The following TTC27 variants were observed in gnomAD, a reference collection of about 807,000 sequenced individuals.
The protein encoded by TTC27 is tetratricopeptide repeat domain 27.
A neutral mutation model predicts 115.9 loss-of-function variants in TTC27; 79 were observed. The ratio of observed to expected loss-of-function variants is 0.68; its 90% CI spans 0.57 to 0.82. The LOEUF is 0.82. Ranked by LOEUF, TTC27 falls within the 40% of genes least tolerant of loss-of-function variation. The probability of loss-of-function intolerance (pLI) is 0.00; values close to 1 mark genes in which losing one functional copy is unlikely to be tolerated. For missense variants in TTC27, 1,054 were observed against 993.1 expected (o/e 1.06, Z -0.82); for synonymous variants, 401 against 356.0 (o/e 1.13, Z -1.42).
intron 9 of TTC27, among the ~76,000 whole-genome samples, chr2:32,684,169 A>C (rs553434114): frequency 2.0e-5 from 3 of 152,004 alleles, no homozygotes; most frequent in African/African-American, 7.3e-5. Context: ...GGGGGAAAAA[A>C]GTTTGTTTGG....
At chr2:32,640,886 G>T (rs757747810) in intron 4 of TTC27, among the ~76,000 whole-genome samples, 3 of 152,112 alleles carry the variant, frequency 2.0e-5, no homozygotes, top group Non-Finnish European at 4.4e-5. Flanking sequence ...GGAGGCTGAG[G>T]CAGGAGAATT....
At chr2:32,800,411 G>A (rs1217913493) in intron 16 of TTC27, among the ~76,000 whole-genome samples, 1 of 152,144 alleles carries the variant, frequency 6.6e-6, no homozygotes, top group Non-Finnish European at 1.5e-5. Flanking sequence ...TCAAACTCCT[G>A]ACCCCATGAT....
intron 14 of TTC27, among the ~76,000 whole-genome samples, chr2:32,778,880 A>G (rs1010981328): frequency 6.6e-6 from 1 of 152,176 alleles, no homozygotes; most frequent in African/African-American, 2.4e-5. Context: ...GCTGGATCGT[A>G]TGGTAGCTCT....
chr2:32,673,056 C>T (rs966810377), intron 8 of TTC27, among the ~76,000 whole-genome samples: 15 of 152,214 alleles, frequency 9.9e-5, no homozygotes, highest in African/African-American at 2.9e-4. Context: ...ATATGTATTA[C>T]ATTTAGTTTT....
intron 2 of TTC27, among the ~76,000 whole-genome samples, chr2:32,631,386 G>GT (rs1331548252): frequency 6.6e-6 from 1 of 152,108 alleles, no homozygotes; most frequent in Non-Finnish European, 1.5e-5. Flanking sequence ...TATTTATTAT[G>GT]TTTTAGATTA....
intron 16 of TTC27, among the ~76,000 whole-genome samples, chr2:32,806,259 G>A (rs545007162): frequency 6.6e-6 from 1 of 152,146 alleles, no homozygotes; most frequent in South Asian, 2.1e-4. Flanking sequence ...GAGGCAAAGG[G>A]GTATAGTGCT....
intron 4 of TTC27, among the ~76,000 whole-genome samples, chr2:32,641,081 C>G (rs1664629300): frequency 6.6e-6 from 1 of 152,122 alleles, no homozygotes; most frequent in African/African-American, 2.4e-5. Context: ...TGAGCAGTGA[C>G]CAAAATTTAA....
At chr2:32,800,063 C>T (rs1199731081) in intron 16 of TTC27, among the ~76,000 whole-genome samples, 3 of 152,086 alleles carry the variant, frequency 2.0e-5, no homozygotes, top group African/African-American at 7.2e-5. Context: ...GGGATGATAG[C>T]GATACCTGCC....
intron 10 of TTC27, among the ~76,000 whole-genome samples, chr2:32,711,372 A>T (rs977243731): frequency 2.1e-4 from 32 of 152,196 alleles, no homozygotes; most frequent in African/African-American, 7.2e-4. Flanking sequence ...GAAATTAGTC[A>T]GATCATGTGA....
At chr2:32,784,192 C>T (rs1462303615) in intron 15 of TTC27, among the ~76,000 whole-genome samples, 1 of 152,194 alleles carries the variant, frequency 6.6e-6, no homozygotes, top group Non-Finnish European at 1.5e-5. Flanking sequence ...GATACCTTGT[C>T]TTCCAGCCCA....
intron 3 of TTC27, among the ~76,000 whole-genome samples, 197 bp downstream of exon 3, chr2:32,634,202 A>T (rs1373073585): frequency 6.6e-6 from 1 of 151,792 alleles, no homozygotes; most frequent in Non-Finnish European, 1.5e-5. Flanking sequence ...CTTCATACAC[A>T]CTCCATTTTA....
chr2:32,793,826 T>TA (rs1446838605), intron 16 of TTC27, among the ~76,000 whole-genome samples: 3 of 152,086 alleles, frequency 2.0e-5, no homozygotes, highest in Non-Finnish European at 4.4e-5. Context: ...CCCGGCCTGT[T>TA]ACAATGTTTT....
At chr2:32,734,240 G>A (rs1668383826) in intron 11 of TTC27, among the ~76,000 whole-genome samples, 1 of 152,052 alleles carries the variant, frequency 6.6e-6, no homozygotes, top group African/African-American at 2.4e-5. Flanking sequence ...TTACTGTACA[G>A]GTTGGAGTGC....
intron 16 of TTC27, among the ~76,000 whole-genome samples, chr2:32,801,821 T>G (rs1670950669): frequency 6.6e-6 from 1 of 152,174 alleles, no homozygotes; most frequent in Admixed American, 6.5e-5. Flanking sequence ...ACCAGAGATT[T>G]GAACATCTGG....
intron 10 of TTC27, among the ~76,000 whole-genome samples, chr2:32,704,347 C>T (rs756716599): frequency 7.9e-5 from 12 of 151,842 alleles, no homozygotes; most frequent in African/African-American, 1.2e-4. Flanking sequence ...CCACCATGCC[C>T]GGCTAATTTT....
chr2:32,714,206 T>A (rs1271254526), intron 10 of TTC27, among the ~76,000 whole-genome samples: 3 of 144,060 alleles, frequency 2.1e-5, no homozygotes, highest in Non-Finnish European at 4.5e-5. Context: ...TCGCCCAGGC[T>A]GGAGTGCAGT....
intron 10 of TTC27, among the ~76,000 whole-genome samples, chr2:32,719,665 A>C (rs929587698): frequency 6.6e-6 from 1 of 152,202 alleles, no homozygotes; most frequent in Non-Finnish European, 1.5e-5. Context: ...AAAGAAGCTA[A>C]CAGACACAGC....
rs769303313 is a variant in TTC27, at chr2:32,733,963, G to C, written c.1329+40G>C. 1.2e-5 allele frequency: 16 copies of C among 1,357,004 alleles called. No homozygotes were observed. The East Asian group carries it at 3.5e-4, about 30-fold the overall frequency. 84.1% of individuals were successfully genotyped at this position (1,357,004 alleles called of 1,614,324 possible). ...TGTCATTGGGTATGGAAATTACTTGGCATTAGAAAGGTAAATGCATTATAA... is the reference window on the plus strand; with the variant it reads ...TGTCATTGGGTATGGAAATTACTTGCCATTAGAAAGGTAAATGCATTATAA... On this transcript the variant is annotated intron_variant, in intron 11 of 19. Coordinates refer to ENST00000317907, the MANE Select transcript of TTC27 (RefSeq NM_017735.5).
In TTC27 at chr2:32,654,833, T is replaced by G. The variant is rs112064110; in HGVS notation, c.640+4600T>G. On this transcript the variant is annotated intron_variant, in intron 5 of 19. Transcript: ENST00000317907. ...TCCTCAGCCTCCCAAGTAGCTGAGATCACAGGTGCCCACCACCATGCCTGG... is the reference window on the plus strand; with the variant it reads ...TCCTCAGCCTCCCAAGTAGCTGAGAGCACAGGTGCCCACCACCATGCCTGG... Among the ~76,000 whole-genome samples, 1,418 of 150,750 alleles carry G rather than the reference T, an allele frequency of 9.4e-3. 14 individuals carry two copies. Among genetic ancestry groups the G allele is most frequent in the Non-Finnish European group, 0.015 (1,042 of 67,712 alleles).
Sources: allele counts gnomAD v4.1 joint callset (sites outside exome capture counted in the v4.1 genomes callset), GRCh38; gene constraint gnomAD v4.1.1; transcripts MANE v1.5; gene names NCBI Gene and HGNC (gene_info 2026-07-23, HGNC 2026-07-21).